SGTB: variants seen among roughly 807,000 people sequenced by gnomAD.
SGTB encodes small glutamine rich tetratricopeptide repeat co-chaperone beta, also known as small glutamine-rich tetratricopeptide repeat-containing protein beta.
In SGTB, 19 loss-of-function variants were observed where a neutral mutation model predicts 43.9. That is an observed-to-expected ratio of 0.43 (90% CI 0.30 to 0.63). The LOEUF is 0.63. Among genes scored for constraint, SGTB ranks in the 30% least tolerant of loss-of-function variants. The pLI, the probability that SGTB is intolerant of heterozygous loss-of-function variation, is 0.12. For missense variants in SGTB, 304 were observed against 358.9 expected (o/e 0.85, Z 1.24); for synonymous variants, 116 against 117.3 (o/e 0.99, Z 0.07).
At chr5:65,708,723 C>A (rs73099342) in intron 3 of SGTB, among the ~76,000 whole-genome samples, 165 bp from the exon 4 acceptor site, 1,574 of 151,890 alleles carry the variant, frequency 0.01, 25 homozygotes, top group African/African-American at 0.036. Flanking sequence ...GGGAAAAGTC[C>A]TCTCATATAT....
chr5:65,704,880 T>G (rs766747059), intron 4 of SGTB, among the ~76,000 whole-genome samples: 7 of 152,212 alleles, frequency 4.6e-5, no homozygotes, highest in Non-Finnish European at 1.0e-4. Context: ...GCTATCATGA[T>G]AGTGGCAGAT....
intron 2 of SGTB, among the ~76,000 whole-genome samples, chr5:65,716,012 C>T (rs560882939): frequency 1.6e-4 from 25 of 152,202 alleles, no homozygotes; most frequent in Admixed American, 9.2e-4. Flanking sequence ...TCAAGTGATC[C>T]GCCCGCCTCG....
At chr5:65,672,163 T>C in intron 9 of SGTB, 81 bp downstream of exon 9, 1 of 1,597,324 alleles carries the variant, frequency 6.3e-7, no homozygotes, top group Middle Eastern at 1.7e-4. Flanking sequence ...GTTTCATCAT[T>C]TTTGAGCTGA....
intron 5 of SGTB, among the ~76,000 whole-genome samples, chr5:65,695,502 A>G (rs1757700062): frequency 6.6e-6 from 1 of 152,226 alleles, no homozygotes; most frequent in Admixed American, 6.5e-5. Flanking sequence ...AAACATGCCA[A>G]TGTCTGAACT....
intron 5 of SGTB, among the ~76,000 whole-genome samples, chr5:65,689,202 T>C (rs1302074037): frequency 6.6e-6 from 1 of 152,208 alleles, no homozygotes; most frequent in Non-Finnish European, 1.5e-5. Context: ...CAGGTACACA[T>C]AACATTACAA....
chr5:65,703,038 C>T (rs1317317560), intron 5 of SGTB, among the ~76,000 whole-genome samples: 5 of 152,116 alleles, frequency 3.3e-5, no homozygotes, highest in Non-Finnish European at 4.4e-5. Context: ...AAATAATTTG[C>T]ACTTCTAGAT....
At chr5:65,682,555 A>G (rs906704140) in intron 6 of SGTB, among the ~76,000 whole-genome samples, 1 of 152,222 alleles carries the variant, frequency 6.6e-6, no homozygotes, top group African/African-American at 2.4e-5. Flanking sequence ...TACAGAAACT[A>G]GAATTGACAG....
chr5:65,693,582 C>T (rs567774901), intron 5 of SGTB, among the ~76,000 whole-genome samples: 5 of 152,124 alleles, frequency 3.3e-5, no homozygotes, highest in South Asian at 2.1e-4. Flanking sequence ...CACACATACA[C>T]GCTGCCATGT....
At chr5:65,707,670 T>G (rs1757961736) in intron 4 of SGTB, among the ~76,000 whole-genome samples, 1 of 152,234 alleles carries the variant, frequency 6.6e-6, no homozygotes, top group South Asian at 2.1e-4. Flanking sequence ...CCTGACCTTG[T>G]GATCCACCCA....
intron 5 of SGTB, among the ~76,000 whole-genome samples, chr5:65,696,979 AATATTTTGATTAG>A (rs1202560323): frequency 3.3e-5 from 5 of 152,222 alleles, no homozygotes; most frequent in African/African-American, 9.6e-5. Context: ...GTATGTAAAA[AATATTTTGATTAG>A]TAATAAAATT....
At chr5:65,718,864 A>AC (rs1554026872) in intron 2 of SGTB, among the ~76,000 whole-genome samples, 1 of 151,118 alleles carries the variant, frequency 6.6e-6, no homozygotes, top group Non-Finnish European at 1.5e-5. Flanking sequence ...TGAAAAAAAA[A>AC]CCCTCAATTT....
intron 5 of SGTB, among the ~76,000 whole-genome samples, chr5:65,699,208 A>G (rs1011633570): frequency 6.6e-6 from 1 of 152,252 alleles, no homozygotes; most frequent in Non-Finnish European, 1.5e-5. Flanking sequence ...TCAGCCACAA[A>G]AAAGAACAAG....
rs1387514474 is a variant in SGTB at position 65,667,222 on chromosome 5, C to G, written c.*3024G>C. On this transcript the variant is annotated 3_prime_UTR_variant, in exon 11 of 11. Coordinates refer to ENST00000381007, the MANE Select transcript of SGTB (RefSeq NM_019072.3). ...GTTGGTCATGGTGTTTTCTAGTTAG[C>G]CTTTTAATAACTATAGTGTCTGTAG... is the stretch of plus-strand genomic sequence containing the variant. 6.7e-6 allele frequency: 1 copy of G among 148,594 alleles called. No homozygotes were observed. The highest frequency in any genetic ancestry group is 1.5e-5 in the Non-Finnish European group (1 of 67,204). 9.2% of individuals were successfully genotyped at this position (148,594 alleles called of 1,614,324 possible).
intron 3 of SGTB, among the ~76,000 whole-genome samples, chr5:65,710,918 A>C (rs1201312219): frequency 6.6e-6 from 1 of 150,706 alleles, no homozygotes; most frequent in African/African-American, 2.4e-5. Context: ...ATCACTTGAA[A>C]CTGGCAGGCA....
intron 6 of SGTB, among the ~76,000 whole-genome samples, chr5:65,684,029 G>GAAGTGGGA (rs932224207): frequency 6.6e-6 from 1 of 151,872 alleles, no homozygotes; most frequent in African/African-American, 2.4e-5. Flanking sequence ...GAGGAACTGA[G>GAAGTGGGA]AAGTGGGATG....
intron 3 of SGTB, among the ~76,000 whole-genome samples, chr5:65,709,958 T>C (rs550029411): frequency 5.9e-5 from 9 of 152,350 alleles, no homozygotes; most frequent in African/African-American, 2.2e-4. Flanking sequence ...TTCTACAAAA[T>C]TGATAGCTCT....
intron 8 of SGTB, among the ~76,000 whole-genome samples, chr5:65,676,423 C>T (rs1212918271): frequency 6.6e-6 from 1 of 152,024 alleles, no homozygotes; most frequent in Admixed American, 6.6e-5. Context: ...ACAGGAACAC[C>T]CAGATTCATA....
chr5:65,717,935 C>A (rs1169819353), intron 2 of SGTB, among the ~76,000 whole-genome samples: 2 of 151,696 alleles, frequency 1.3e-5, no homozygotes, highest in African/African-American at 4.8e-5. Flanking sequence ...GAAGGAGATA[C>A]AAGGGAATAA....
At chr5:65,670,451 G>A in intron 10 of SGTB, 94 bp from the exon 11 acceptor site, 1 of 1,004,318 alleles carries the variant, frequency 1.0e-6, no homozygotes, top group Non-Finnish European at 1.5e-6. Flanking sequence ...GCTACCTAAA[G>A]GGGGCTTTTT....
Sources: allele counts gnomAD v4.1 joint callset (sites outside exome capture counted in the v4.1 genomes callset), GRCh38; gene constraint gnomAD v4.1.1; transcripts MANE v1.5; gene names NCBI Gene and HGNC (gene_info 2026-07-23, HGNC 2026-07-21).